The following C2orf80 variants were observed in gnomAD, a reference collection of about 807,000 sequenced individuals.
The protein encoded by C2orf80 is uncharacterized protein C2orf80.
C2orf80 carries 28 observed loss-of-function variants against 30.2 expected under a neutral mutation model. That is an observed-to-expected ratio of 0.93 (90% CI 0.69 to 1.27). The LOEUF (loss-of-function observed/expected upper bound fraction) is 1.27. Ranked by LOEUF, C2orf80 falls within the 50% of genes most tolerant of loss-of-function variation. The pLI is 0.00. For synonymous variants in C2orf80, 80 were observed against 76.4 expected (o/e 1.05, Z -0.24); for missense variants, 220 against 231.0 (o/e 0.95, Z 0.31).
chr2:208,181,338 T>A, intron 4 of C2orf80, 33 bp from the exon 5 acceptor site: 2 of 1,419,464 alleles, frequency 1.4e-6, no homozygotes, highest in Non-Finnish European at 1.0e-6. Context: ...AGTGGAAGAT[T>A]TATTCTTGTT....
rs1414679182 is a variant in C2orf80, at chr2:208,165,708, AAAGAAAAATGTACTGGC to A, written c.*82_*98del. On this transcript the variant is annotated 3_prime_UTR_variant, in exon 9 of 9. Transcript: ENST00000341287. ...GTGCAGTTGTACCAAAAACAGTTGTAAAGAAAAATGTACTGGCAAGAGCTGTGGTTTTAAGATGATGC... is the reference window on the plus strand; with the variant it reads ...GTGCAGTTGTACCAAAAACAGTTGTAAAGAGCTGTGGTTTTAAGATGATGC... The A allele has an allele frequency of 3.9e-6, 6 of 1,557,420 alleles. No homozygotes were observed. Among genetic ancestry groups the A allele is most frequent in the Non-Finnish European group, 5.2e-6 (6 of 1,146,204 alleles).
At chr2:208,176,940 T>G (rs937484012) in intron 6 of C2orf80, among the ~76,000 whole-genome samples, 27 of 46,974 alleles carry the variant, frequency 5.7e-4, no homozygotes, top group Non-Finnish European at 8.0e-4. Flanking sequence ...TGTATACATA[T>G]CTGTATACAT....
chr2:208,169,805 A>G (rs1469765029), intron 8 of C2orf80, among the ~76,000 whole-genome samples: 1 of 152,228 alleles, frequency 6.6e-6, no homozygotes, highest in East Asian at 1.9e-4. Flanking sequence ...AAAATTGAAT[A>G]TGGTGATAAT....
At chr2:208,171,955 T>C (rs764675633) in intron 7 of C2orf80, 33 bp downstream of exon 7, 111 of 1,552,824 alleles carry the variant, frequency 7.1e-5, no homozygotes, top group South Asian at 3.7e-4. Context: ...TTGACTTACA[T>C]TCCTCTAAGC....
rs369435589 is a variant in C2orf80 at position 208,183,017 on chromosome 2, A to G, written c.154T>C (p.Leu52=). Residue 52 remains leucine, a synonymous_variant, in exon 4 of 9, where the codon TTG becomes CTG. Transcript: ENST00000341287. ...AHYDLAISVA[L]QWLDPSEDLT... ...TCTTCTGAGGGATCCAGCCATTGCA[A>G]AGCAACACTGATGGCCAAGTCATAG... 1.2e-6 allele frequency: 2 copies of G among 1,613,976 alleles called. No individual in the cohort carries two copies. The highest frequency in any genetic ancestry group is 2.7e-5 in the African/African-American group (2 of 74,918).
intron 8 of C2orf80, among the ~76,000 whole-genome samples, 171 bp downstream of exon 8, chr2:208,170,774 G>A (rs538957672): frequency 3.4e-4 from 51 of 152,200 alleles, no homozygotes; most frequent in African/African-American, 1.2e-3. Context: ...GGAAACTAAG[G>A]CACAGAGAGT....
chr2:208,184,283 T>G (rs1299859056), intron 3 of C2orf80, among the ~76,000 whole-genome samples: 1 of 152,070 alleles, frequency 6.6e-6, no homozygotes, highest in Non-Finnish European at 1.5e-5. Flanking sequence ...AATTTCTCTG[T>G]TTAATATGTG....
At chr2:208,168,199 G>A (rs1695963560) in intron 8 of C2orf80, among the ~76,000 whole-genome samples, 1 of 152,098 alleles carries the variant, frequency 6.6e-6, no homozygotes, top group African/African-American at 2.4e-5. Flanking sequence ...ATGTATATGT[G>A]TAGCAAATAA....
intron 6 of C2orf80, among the ~76,000 whole-genome samples, chr2:208,176,336 C>T (rs549972947): frequency 3.0e-4 from 46 of 152,234 alleles, no homozygotes; most frequent in African/African-American, 8.7e-4. Flanking sequence ...CCACCACACC[C>T]GGCTAATTTT....
intron 2 of C2orf80, among the ~76,000 whole-genome samples, chr2:208,185,611 A>C (rs746414878): frequency 1.3e-5 from 2 of 152,182 alleles, no homozygotes; most frequent in African/African-American, 2.4e-5. Context: ...AGGAGAGAAG[A>C]GAGAAAGGTG....
chr2:208,171,715 C>G (rs1263833690), intron 7 of C2orf80, among the ~76,000 whole-genome samples: 1 of 96,072 alleles, frequency 1.0e-5, no homozygotes, highest in East Asian at 3.1e-4. Context: ...TCCCAAAGTG[C>G]TGGGATTACC....
In C2orf80 at chr2:208,165,514, T is replaced by C. The variant is rs539727681; in HGVS notation, c.*293A>G. 24 of 310,774 alleles carry C rather than the reference T, an allele frequency of 7.7e-5. No individual in the cohort carries two copies. In the South Asian group the frequency reaches 1.5e-3, roughly 19 times the overall value. The allele number at this position is 310,774 out of a possible 1,614,324, so 19.3% of individuals were successfully genotyped here. On this transcript the variant is annotated 3_prime_UTR_variant, in exon 9 of 9. Transcript: ENST00000341287. Reference sequence around the variant, plus strand: ...AATGCCACACATTTGTAAAATGTGCTACAAAGCCAGCTTGCTCTAACACAG... The same window carrying C: ...AATGCCACACATTTGTAAAATGTGCCACAAAGCCAGCTTGCTCTAACACAG...
intron 8 of C2orf80, among the ~76,000 whole-genome samples, chr2:208,168,724 G>GA (rs1695991199): frequency 9.9e-6 from 1 of 100,564 alleles, no homozygotes; most frequent in Admixed American, 1.1e-4. Context: ...AAGTGTGAAA[G>GA]AAAAAACACA....
chr2:208,180,457 A>G (rs1436319696), intron 6 of C2orf80, among the ~76,000 whole-genome samples: 1 of 151,880 alleles, frequency 6.6e-6, no homozygotes, highest in Non-Finnish European at 1.5e-5. Context: ...CTCAAAAAAA[A>G]AAAACAAAAC....
intron 6 of C2orf80, 106 bp from the exon 7 acceptor site, chr2:208,172,181 C>A (rs942704779): frequency 1.1e-6 from 1 of 882,614 alleles, no homozygotes; most frequent in East Asian, 2.4e-5. Context: ...ATCCTTGAGT[C>A]CAATTGTTGA....
intron 3 of C2orf80, among the ~76,000 whole-genome samples, chr2:208,183,453 T>A (rs1696623478): frequency 6.6e-6 from 1 of 152,270 alleles, no homozygotes; most frequent in Non-Finnish European, 1.5e-5. Flanking sequence ...TCAGTTTCCC[T>A]AAATTTTAAC....
chr2:208,176,364 T>C (rs903947975), intron 6 of C2orf80, among the ~76,000 whole-genome samples: 13 of 152,144 alleles, frequency 8.5e-5, no homozygotes, highest in Non-Finnish European at 1.8e-4. Flanking sequence ...TTAGTAGAGA[T>C]GGGGTTTCAC....
At chr2:208,172,164 A>G (rs62194836) in intron 6 of C2orf80, 89 bp from the exon 7 acceptor site, 87,502 of 1,022,166 alleles carry the variant, frequency 0.086, 4,553 homozygotes, top group South Asian at 0.16. Context: ...TATTTAATCA[A>G]CTCAGAATCC....
At chr2:208,166,280 TTATC>T (rs1020055863) in intron 8 of C2orf80, among the ~76,000 whole-genome samples, 17 of 152,264 alleles carry the variant, frequency 1.1e-4, no homozygotes, top group African/African-American at 3.6e-4. Flanking sequence ...TTATATATCT[TTATC>T]TATATACAGA....
Sources: gnomAD v4.1 joint callset for allele counts (sites outside exome capture counted in the v4.1 genomes callset) on GRCh38, gnomAD v4.1.1 for gene constraint, MANE v1.5 for transcripts, NCBI Gene and HGNC (gene_info 2026-07-23, HGNC 2026-07-21) for gene names.